The following MADD variants were observed in gnomAD, a reference collection of about 807,000 sequenced individuals.
MADD encodes MAP kinase activating death domain.
In MADD, 109 loss-of-function variants were observed where a neutral mutation model predicts 176.7. That is an observed-to-expected ratio of 0.62 (90% CI 0.53 to 0.72). The LOEUF is 0.72. Ranked by LOEUF, MADD falls within the 30% of genes least tolerant of loss-of-function variation. MADD has a pLI of 0.00. For missense variants in MADD, 1,914 were observed against 2,045.5 expected, an observed-to-expected ratio of 0.94 and a Z score of 1.24; for synonymous variants, 771 against 771.3, an observed-to-expected ratio of 1.00 and a Z score of 0.01.
chr11:47,275,741 T>C (rs749462160), intron 3 of MADD, among the ~76,000 whole-genome samples, 158 bp from the exon 4 acceptor site: 16 of 152,234 alleles, frequency 1.1e-4, no homozygotes, highest in Admixed American at 2.0e-4. Context: ...TTTGCCATTG[T>C]ATATACTTTC....
At chr11:47,323,821 T>G (rs768461681) in exon 28 of MADD, 1 of 1,614,078 alleles carries the variant, frequency 6.2e-7, no homozygotes, top group South Asian at 1.1e-5. Flanking sequence ...GCTCAACAAG[T>G]TCTATACTAA....
chr11:47,311,732 G>A (rs1474939624), exon 26 of MADD: 1 of 1,601,276 alleles, frequency 6.2e-7, no homozygotes. Context: ...GGCTTTTCAG[G>A]TAAATAAGAA....
At chr11:47,276,666 G>T (rs1199895710) in intron 4 of MADD, 66 bp from the exon 5 acceptor site, 8 of 1,578,116 alleles carry the variant, frequency 5.1e-6, no homozygotes, top group Non-Finnish European at 6.9e-6. Context: ...TGTAATGTTG[G>T]AAGCTGTTTT....
intron 1 of MADD, chr11:47,272,461 G>T: frequency 6.6e-6 from 1 of 152,440 alleles, no homozygotes. Context: ...CGCAGCAGCA[G>T]GTGAGGGAGT....
exon 14 of MADD, chr11:47,285,552 C>T: frequency 6.2e-7 from 1 of 1,614,198 alleles, no homozygotes; most frequent in Non-Finnish European, 8.5e-7. Context: ...GTCTCCAACA[C>T]CAGCACCGAG....
At chr11:47,280,027 G>A (rs995267328) in intron 7 of MADD, among the ~76,000 whole-genome samples, 9 of 152,102 alleles carry the variant, frequency 5.9e-5, no homozygotes, top group African/African-American at 9.7e-5. Flanking sequence ...CCAAGATTGC[G>A]CCATTGCACT....
At chr11:47,310,243 A>G (rs559390118) in intron 25 of MADD, among the ~76,000 whole-genome samples, 1 of 150,864 alleles carries the variant, frequency 6.6e-6, no homozygotes, top group South Asian at 2.1e-4. Flanking sequence ...GTACAGTGGC[A>G]CGATCTTGGC....
rs2059642186 is a variant in MADD at position 47,285,069 on chromosome 11, A to G, written c.2286A>G (p.Ser762=). The change falls in exon 13 of 33, where the codon TCA becomes TCG. Residue 762 remains serine (S), a synonymous_variant. Transcript: ENST00000402192. ...GTCAGGCAGAAATTGGAGAGGGGTC[A>G]GTGCGCCGGCGAATCTATGACAATC... 1.2e-6 allele frequency: 2 copies of G among 1,614,164 alleles called. No individual in the cohort carries two copies. The highest frequency in any genetic ancestry group is 1.1e-5 in the South Asian group (1 of 91,082).
At chr11:47,295,760 A>G in intron 21 of MADD, 137 bp from the exon 24 acceptor site, 2 of 1,520,930 alleles carry the variant, frequency 1.3e-6, no homozygotes, top group Non-Finnish European at 1.8e-6. Context: ...TCATCTTATA[A>G]AGAAGGTACT....
At chr11:47,328,226 C>G in intron 31 of MADD, 1 of 1,072,900 alleles carries the variant, frequency 9.3e-7, no homozygotes, top group Non-Finnish European at 1.1e-6. Flanking sequence ...AGGCTGGTGA[C>G]GAGTTCACGG....
chr11:47,315,915 T>C (rs1345308159), intron 27 of MADD, among the ~76,000 whole-genome samples: 2 of 149,974 alleles, frequency 1.3e-5, no homozygotes, highest in Admixed American at 1.3e-4. Flanking sequence ...CACTGCAGCC[T>C]CCACCTCCCA....
At chr11:47,290,469 T>TA in intron 18 of MADD, 141 bp from the exon 20 acceptor site, 1 of 1,252,752 alleles carries the variant, frequency 8.0e-7, no homozygotes, top group Non-Finnish European at 1.1e-6. Context: ...TATTCTTTGT[T>TA]ACGAAAAATA....
chr11:47,294,246 G>A (rs1034138935), intron 20 of MADD, among the ~76,000 whole-genome samples: 2 of 151,990 alleles, frequency 1.3e-5, no homozygotes, highest in African/African-American at 4.8e-5. Flanking sequence ...CTACTCGGGA[G>A]GCTGAGGCAG....
chr11:47,323,878 A>C, intron 28 of MADD, 43 bp downstream of exon 31: 1 of 1,586,740 alleles, frequency 6.3e-7, no homozygotes, highest in Non-Finnish European at 8.6e-7. Flanking sequence ...TAGGCATTGA[A>C]GACCAAATAG....
At chr11:47,298,096 A>G (rs1157053493) in intron 22 of MADD, among the ~76,000 whole-genome samples, 2 of 152,114 alleles carry the variant, frequency 1.3e-5, no homozygotes, top group Non-Finnish European at 2.9e-5. Flanking sequence ...CCTTCTTTAC[A>G]TATTAGTTCA....
intron 22 of MADD, among the ~76,000 whole-genome samples, chr11:47,306,801 A>AGGGGGATGTGCTTT (rs2083082062): frequency 6.6e-6 from 1 of 151,978 alleles, no homozygotes; most frequent in Non-Finnish European, 1.5e-5. Context: ...TCTCTTTGTG[A>AGGGGGATGTGCTTT]GGGGGATGTG....
intron 27 of MADD, among the ~76,000 whole-genome samples, chr11:47,321,600 G>C (rs192920878): frequency 2.0e-5 from 3 of 152,114 alleles, no homozygotes; most frequent in Admixed American, 1.3e-4. Flanking sequence ...GCTCAGGGGG[G>C]GCAGAATAAA....
At chr11:47,328,276 C>T in intron 31 of MADD, 1 of 1,144,546 alleles carries the variant, frequency 8.7e-7, no homozygotes, top group Non-Finnish European at 1.1e-6. Context: ...AGAGAGCTCT[C>T]TCCTCCCAGC....
At chr11:47,283,060 C>A in intron 10 of MADD, 91 bp downstream of exon 10, 4 of 1,062,124 alleles carry the variant, frequency 3.8e-6, no homozygotes, top group South Asian at 2.4e-5. Context: ...GTCTCATAGG[C>A]TTCCCATATC....
Sources: gnomAD v4.1 joint callset for allele counts (sites outside exome capture counted in the v4.1 genomes callset) on GRCh38, gnomAD v4.1.1 for gene constraint, MANE v1.5 for transcripts, NCBI Gene and HGNC (gene_info 2026-07-23, HGNC 2026-07-21) for gene names.